Variants in SRCAP observed in about 807,000 individuals in gnomAD.
SRCAP encodes chromatin remodeling protein SRCAP.
A neutral mutation model predicts 263.1 loss-of-function variants in SRCAP; 46 were observed. That is an observed-to-expected ratio of 0.17 (90% confidence interval 0.14 to 0.22). The LOEUF (loss-of-function observed/expected upper bound fraction) is 0.22, where lower values mean the gene tolerates loss of function less well. Among genes scored for constraint, SRCAP ranks in the 10% least tolerant of loss-of-function variants. The probability of loss-of-function intolerance (pLI) is 1.00; values close to 1 mark genes in which losing one functional copy is unlikely to be tolerated. For missense variants in SRCAP, 3,695 were observed against 4,181.9 expected, an observed-to-expected ratio of 0.88 and a Z score of 3.21; for synonymous variants, 1,813 against 1,662.1, an observed-to-expected ratio of 1.09 and a Z score of -2.21.
At chr16:30,726,629 C>A (rs2053067102) in intron 25 of SRCAP, among the ~76,000 whole-genome samples, 1 of 151,256 alleles carries the variant, frequency 6.6e-6, no homozygotes, top group African/African-American at 2.4e-5. Context: ...TAAGTGACCC[C>A]ACCTCAACCT....
At chr16:30,726,058 TC>T (rs1316332827) in intron 25 of SRCAP, 1 of 152,220 alleles carries the variant, frequency 6.6e-6, no homozygotes, top group Non-Finnish European at 1.5e-5. Context: ...CCTCCGTCCC[TC>T]CTAGTCTTGA....
chr16:30,738,738 A>T lies in SRCAP; in HGVS notation c.8698A>T (p.Thr2900Ser), dbSNP rs1468720694. The change falls in exon 34 of 34, where the codon ACC becomes TCC. Residue 2900 changes from threonine (T) to serine (S), a missense_variant. Coordinates refer to ENST00000262518, the MANE Select transcript of SRCAP (RefSeq NM_006662.3). ...NGADPVPGPE[T>S]LIVADPVLEP... is the part of the protein sequence containing the mutation. ...GGCTGACCCAGTCCCTGGGCCTGAG[A>T]CCCTAATTGTTGCAGATCCTGTCCT... 6.2e-7 allele frequency: 1 copy of T among 1,613,820 alleles called. No individual in the cohort carries two copies.
chr16:30,734,314 G>C, intron 30 of SRCAP, 182 bp from the exon 31 acceptor site: 1 of 870,228 alleles, frequency 1.1e-6, no homozygotes, highest in Non-Finnish European at 1.7e-6. Context: ...TTGCACTTTA[G>C]CCTGGGTGAC....
chr16:30,729,605 T>C, intron 27 of SRCAP, 33 bp downstream of exon 27: 1 of 1,608,948 alleles, frequency 6.2e-7, no homozygotes, highest in South Asian at 1.1e-5. Context: ...GACCCTTGAC[T>C]TCTCTTCTTT....
rs749242748 is a variant in SRCAP at position 30,714,507 on chromosome 16, C to CTTTTTT, written c.2493+803_2493+808dup. 2.0e-5 allele frequency among the ~76,000 whole-genome samples: 2 copies of CTTTTTT among 100,000 alleles called. 1 individual carries two copies. 65.6% of individuals were successfully genotyped at this position (100,000 alleles called of 152,430 possible). A position where few individuals can be genotyped will look rare whatever the true frequency, so the allele number is the denominator to read the frequency against. ...TAAAGGTGTGAGCCACCGTGCCGGG[C>CTTTTTT]TTTTTTTTTTTTGAGACAGAGTCTC... On this transcript the variant is annotated intron_variant, in intron 16 of 33. Transcript: ENST00000262518.
Position 30,737,956 on chromosome 16 carries a change from G to T in SRCAP, c.7916G>T (p.Gly2639Val). 1 of 1,614,180 alleles carries T rather than the reference G, an allele frequency of 6.2e-7. No homozygotes were observed. The highest frequency in any genetic ancestry group is 8.5e-7 in the Non-Finnish European group (1 of 1,180,042). ...ACCACCCTTACAGTGCTGCCTGAAG[G>T]TGAGGAGTTGCCCCTGTGTGTGAGT... ...EGTTLTVLPE[G>V]EELPLCVSES... Residue 2639 changes from glycine (G) to valine (V), a missense_variant, in exon 34 of 34, where the codon GGT (glycine) becomes GTT (valine). Transcript: ENST00000262518.
rs1567242719 is a variant in SRCAP, at chr16:30,712,013, G to A, written c.1671G>A (p.Arg557=). The A allele has an allele frequency of 1.9e-6, 3 of 1,614,052 alleles. No individual in the cohort carries two copies. The highest frequency in any genetic ancestry group is 1.7e-6 in the Non-Finnish European group (2 of 1,180,022). Residue 557 remains arginine (R), a synonymous_variant, in exon 12 of 34, where the codon AGG becomes AGA. Coordinates refer to ENST00000262518, the MANE Select transcript of SRCAP (RefSeq NM_006662.3). ...DDFGVEYLLA[R]DEEQSEADAG... ...TTGGGGTGGAGTACTTGCTTGCCAG[G>A]GATGAAGAGCAGAGTGAGGCAGATG...
At chr16:30,725,867 C>G (rs897901867) in intron 25 of SRCAP, 19 of 152,256 alleles carry the variant, frequency 1.2e-4, no homozygotes, top group Admixed American at 1.2e-3. Context: ...TCAAGTGATC[C>G]TCCCATCTCG....
At chr16:30,715,116 G>C (rs2052934146) in intron 16 of SRCAP, among the ~76,000 whole-genome samples, 1 of 152,068 alleles carries the variant, frequency 6.6e-6, no homozygotes, top group South Asian at 2.1e-4. Context: ...TGACTTTCTA[G>C]ATCACTTGAC....
chr16:30,735,741 C>T (rs893544004), intron 31 of SRCAP, among the ~76,000 whole-genome samples: 10 of 151,274 alleles, frequency 6.6e-5, no homozygotes, highest in Non-Finnish European at 1.3e-4. Flanking sequence ...CCACCACGCT[C>T]AGCTAATTTT....
chr16:30,736,171 T>C lies in SRCAP; in HGVS notation c.6730-29T>C, dbSNP rs758458696. ...GATGTAAAGTACTTGAAGTCTCATG[T>C]TTTCTTTTTCTTTTATACACCCTGG... On this transcript the variant is annotated intron_variant, in intron 31 of 33. Coordinates refer to ENST00000262518, the MANE Select transcript of SRCAP (RefSeq NM_006662.3). The C allele has an allele frequency of 2.5e-6, 4 of 1,611,732 alleles. No homozygotes were observed. In the African/African-American group the frequency reaches 5.4e-5, roughly 22 times the overall value.
intron 3 of SRCAP, among the ~76,000 whole-genome samples, chr16:30,701,960 T>A (rs2052771857): frequency 6.6e-6 from 1 of 151,306 alleles, no homozygotes; most frequent in Non-Finnish European, 1.5e-5. Flanking sequence ...TTCTTTTTTT[T>A]TTTTTTATTT....
rs1017585079 is a variant in SRCAP at position 30,739,590 on chromosome 16, G to T, written c.9550G>T (p.Asp3184Tyr). 1.0e-5 allele frequency: 16 copies of T among 1,602,408 alleles called. No homozygotes were observed. Among genetic ancestry groups the T allele is most frequent in the Non-Finnish European group, 1.3e-5 (15 of 1,175,128 alleles). Reference sequence around the variant, plus strand: ...AGCCTCAGGTGAGGAGGAGGAAGGGGATGGGACCCCACGCCGACGTCCTGG... The same window carrying T: ...AGCCTCAGGTGAGGAGGAGGAAGGGTATGGGACCCCACGCCGACGTCCTGG... ...AEASGEEEEG[D>Y]GTPRRRPGPR... is the part of the protein sequence containing the mutation. Residue 3184 changes from aspartate (D) to tyrosine (Y), a missense_variant, in exon 34 of 34, where the codon GAT (aspartate) becomes TAT (tyrosine). Around this residue, in one of 12 missense-constraint regions of SRCAP, gnomAD observed 1,207 missense variants for 1,142.9 expected, o/e 1.06. Transcript: ENST00000262518.
chr16:30,713,792 C>A, intron 16 of SRCAP, 81 bp downstream of exon 16: 2 of 1,385,350 alleles, frequency 1.4e-6, no homozygotes, highest in Non-Finnish European at 2.0e-6. Context: ...CCAGGAAACC[C>A]TTGGGGAGAG....
In SRCAP at chr16:30,700,853, C is replaced by G; in HGVS notation, c.29C>G (p.Pro10Arg). 6.2e-7 allele frequency: 1 copy of G among 1,614,196 alleles called. No homozygotes were observed. The highest frequency in any genetic ancestry group is 8.5e-7 in the Non-Finnish European group (1 of 1,180,014). Residue 10 changes from proline to arginine, a missense_variant, in exon 3 of 34, where the codon CCT becomes CGT. Pro to Arg is a moderately radical substitution (Grantham distance 103). Transcript: ENST00000262518. The stretch of plus-strand genomic sequence containing the variant: ...CAGAGCAGCCCCTCCCCTGCTCACC[C>G]TCAGCTCCCAGTCCTACAGACACAG... MQSSPSPAH[P>R]QLPVLQTQMV...
Position 30,733,564 on chromosome 16 carries a change from A to G in SRCAP, c.6298-38A>G. The G allele has an allele frequency of 3.7e-6, 6 of 1,603,006 alleles. No homozygotes were observed. Among genetic ancestry groups the G allele is most frequent in the South Asian group, 3.3e-5 (3 of 89,960 alleles). On this transcript the variant is annotated intron_variant, in intron 28 of 33. Coordinates refer to ENST00000262518, the MANE Select transcript of SRCAP (RefSeq NM_006662.3). This position sits in a 1 kb window ranked among gnomAD's most constrained non-coding sequence, Gnocchi z 5.3. ...GCCTTTAGACCTGTTTTGGGGGATAAGTCTCCCAGTATCATCTTTTTTTCC... is the reference window on the plus strand; with the variant it reads ...GCCTTTAGACCTGTTTTGGGGGATAGGTCTCCCAGTATCATCTTTTTTTCC...
intron 3 of SRCAP, among the ~76,000 whole-genome samples, 180 bp downstream of exon 3, chr16:30,701,058 T>C (rs1348838047): frequency 6.6e-6 from 1 of 152,214 alleles, no homozygotes; most frequent in Non-Finnish European, 1.5e-5. Context: ...ATTAGTGTAA[T>C]ATTATCTCCA....
chr16:30,711,218 C>G, intron 10 of SRCAP, 130 bp downstream of exon 10: 1 of 714,388 alleles, frequency 1.4e-6, no homozygotes, highest in Middle Eastern at 3.4e-4. Flanking sequence ...CTAAGACAGA[C>G]TTGTAAACCA....
intron 32 of SRCAP, 66 bp from the exon 33 acceptor site, chr16:30,736,475 T>A: frequency 6.2e-7 from 1 of 1,610,542 alleles, no homozygotes; most frequent in Non-Finnish European, 8.5e-7. Context: ...CTGGTGGGAA[T>A]AAATAAGGGT....
Sources: allele counts gnomAD v4.1 joint callset (sites outside exome capture counted in the v4.1 genomes callset), GRCh38; gene constraint gnomAD v4.1.1; regional missense constraint gnomAD v4.1.1; non-coding constraint Gnocchi (gnomAD v3.1); transcripts MANE v1.5; gene names NCBI Gene and HGNC (gene_info 2026-07-23, HGNC 2026-07-21).